The following UNC5D variants were observed in gnomAD, a reference collection of about 807,000 sequenced individuals.
UNC5D encodes netrin receptor UNC5D.
In UNC5D, 39 loss-of-function variants were observed where a neutral mutation model predicts 105.4. The ratio of observed to expected loss-of-function variants is 0.37; its 90% confidence interval spans 0.29 to 0.48. The LOEUF (loss-of-function observed/expected upper bound fraction) is 0.48, where lower values mean the gene tolerates loss of function less well. UNC5D is among the 20% of genes least tolerant of loss of function. UNC5D has a pLI of 0.98. For synonymous variants in UNC5D, 452 were observed against 450.4 expected (o/e 1.00, Z -0.04); for missense variants, 991 against 1,202.4 (o/e 0.82, Z 2.60).
intron 2 of UNC5D, among the ~76,000 whole-genome samples, chr8:35,553,027 C>T (rs1211113956): frequency 6.6e-6 from 1 of 152,162 alleles, no homozygotes; most frequent in African/African-American, 2.4e-5. Context: ...TGTCTCTGTC[C>T]TAGATTTTGC....
chr8:35,731,359 C>T (rs1468905844), intron 11 of UNC5D, among the ~76,000 whole-genome samples: 1 of 139,508 alleles, frequency 7.2e-6, no homozygotes, highest in Admixed American at 7.5e-5. Flanking sequence ...CAAGATCGTG[C>T]CACTGCACTT....
chr8:35,336,788 A>C (rs1403115548), intron 1 of UNC5D, among the ~76,000 whole-genome samples: 1 of 49,948 alleles, frequency 2.0e-5, no homozygotes, highest in Non-Finnish European at 4.8e-5. Context: ...CAAAGGAAAT[A>C]GTGTTTTTTT....
intron 1 of UNC5D, among the ~76,000 whole-genome samples, chr8:35,299,967 G>A: frequency 6.6e-6 from 1 of 152,106 alleles, no homozygotes. Context: ...AAATAAAAAG[G>A]ATATATGAAA....
intron 11 of UNC5D, among the ~76,000 whole-genome samples, chr8:35,745,219 C>T (rs1179286884): frequency 3.9e-5 from 6 of 152,102 alleles, no homozygotes; most frequent in Non-Finnish European, 7.4e-5. Flanking sequence ...GTTGCAATTA[C>T]CAAGGCCTGG....
intron 1 of UNC5D, among the ~76,000 whole-genome samples, chr8:35,346,214 C>T (rs768909400): frequency 1.3e-5 from 2 of 151,936 alleles, no homozygotes; most frequent in Non-Finnish European, 2.9e-5. Flanking sequence ...CTGAGGAAGT[C>T]TGTGGAAACA....
At chr8:35,755,064 C>T (rs1370315615) in intron 13 of UNC5D, among the ~76,000 whole-genome samples, 2 of 152,056 alleles carry the variant, frequency 1.3e-5, no homozygotes, top group African/African-American at 4.8e-5. Context: ...GACATCACCT[C>T]CTTTGATAAA....
intron 1 of UNC5D, among the ~76,000 whole-genome samples, chr8:35,390,281 A>T (rs1803689629): frequency 6.6e-6 from 1 of 152,222 alleles, no homozygotes; most frequent in African/African-American, 2.4e-5. Context: ...AGCATTGGGG[A>T]TTACGTTTGA....
At chr8:35,597,531 G>C (rs73571710) in intron 4 of UNC5D, among the ~76,000 whole-genome samples, 1 of 152,074 alleles carries the variant, frequency 6.6e-6, no homozygotes, top group Non-Finnish European at 1.5e-5. Flanking sequence ...GCATAAAAAT[G>C]TCTAGGCTCT....
At chr8:35,747,834 A>G (rs944380104) in intron 11 of UNC5D, among the ~76,000 whole-genome samples, 1 of 152,206 alleles carries the variant, frequency 6.6e-6, no homozygotes, top group Non-Finnish European at 1.5e-5. Context: ...ATAATTCACA[A>G]TTCAAAAAAG....
intron 10 of UNC5D, among the ~76,000 whole-genome samples, chr8:35,728,095 A>AAAAAAAAT (rs34672872): frequency 4.0e-4 from 44 of 110,346 alleles, no homozygotes; most frequent in African/African-American, 2.3e-3. Flanking sequence ...AAAAAAAAAA[A>AAAAAAAAT]ATATATATAT....
chr8:35,610,149 T>G (rs1314039162), intron 4 of UNC5D, among the ~76,000 whole-genome samples: 1 of 152,004 alleles, frequency 6.6e-6, no homozygotes, highest in Non-Finnish European at 1.5e-5. Context: ...TATGAGATGC[T>G]GAAAAGCTAT....
intron 4 of UNC5D, among the ~76,000 whole-genome samples, chr8:35,610,126 A>T (rs1308206336): frequency 6.6e-6 from 1 of 152,106 alleles, no homozygotes; most frequent in Non-Finnish European, 1.5e-5. Flanking sequence ...TTAATTTGAA[A>T]AAAAAAAAGT....
chr8:35,243,475 C>T (rs1405267314), intron 1 of UNC5D, among the ~76,000 whole-genome samples: 1 of 152,136 alleles, frequency 6.6e-6, no homozygotes, highest in Non-Finnish European at 1.5e-5. Context: ...GAAATTGACT[C>T]ACCCAGAATT....
chr8:35,774,926 C>CAAA (rs548702956), intron 16 of UNC5D, among the ~76,000 whole-genome samples: 5 of 120,370 alleles, frequency 4.2e-5, no homozygotes, highest in South Asian at 2.8e-4. Context: ...GACCCTCCTC[C>CAAA]AAAAAAAAAA....
intron 2 of UNC5D, among the ~76,000 whole-genome samples, chr8:35,556,080 A>C (rs1006968326): frequency 6.6e-6 from 1 of 152,118 alleles, no homozygotes; most frequent in Non-Finnish European, 1.5e-5. Flanking sequence ...GTAAAATGGC[A>C]GTGATAATTG....
chr8:35,244,595 A>G (rs1802978023), intron 1 of UNC5D, among the ~76,000 whole-genome samples: 1 of 152,186 alleles, frequency 6.6e-6, no homozygotes, highest in Non-Finnish European at 1.5e-5. Flanking sequence ...ATGCTGTAGT[A>G]TGGAGTAATT....
intron 1 of UNC5D, among the ~76,000 whole-genome samples, chr8:35,450,496 A>T (rs1057410139): frequency 6.6e-6 from 1 of 152,144 alleles, no homozygotes; most frequent in African/African-American, 2.4e-5. Flanking sequence ...ATGCTTTTTG[A>T]CTATGTCGAA....
chr8:35,602,287 TG>T (rs1380831690), intron 4 of UNC5D, among the ~76,000 whole-genome samples: 1 of 152,186 alleles, frequency 6.6e-6, no homozygotes, highest in Non-Finnish European at 1.5e-5. Context: ...TGCCAGGCTT[TG>T]GTATCAGGAT....
chr8:35,598,949 C>G (rs988051729), intron 4 of UNC5D, among the ~76,000 whole-genome samples: 1 of 151,946 alleles, frequency 6.6e-6, no homozygotes, highest in East Asian at 1.9e-4. Flanking sequence ...TTGAGACCAG[C>G]CTGCCTAACA....
Sources: allele counts gnomAD v4.1 joint callset (sites outside exome capture counted in the v4.1 genomes callset), GRCh38; gene constraint gnomAD v4.1.1; transcripts MANE v1.5; gene names NCBI Gene and HGNC (gene_info 2026-07-23, HGNC 2026-07-21).